Variants in CSNK1D observed in about 807,000 individuals in gnomAD.
CSNK1D encodes the protein casein kinase 1 delta.
CSNK1D carries 16 observed loss-of-function variants against 46.6 expected under a neutral mutation model. The observed-to-expected ratio is 0.34, with a 90% confidence interval of 0.23 to 0.52. CSNK1D has a LOEUF of 0.52. Among genes scored for constraint, CSNK1D ranks in the 20% least tolerant of loss-of-function variants. The pLI is 0.95. For synonymous variants in CSNK1D, 276 were observed against 228.2 expected, an observed-to-expected ratio of 1.21 and a Z score of -1.89; for missense variants, 398 against 578.4, an observed-to-expected ratio of 0.69 and a Z score of 3.20.
chr17:82,243,572 A>G lies in CSNK1D; in HGVS notation c.*1209T>C. Reference sequence around the variant, plus strand: ...AGACACGCGCCCAACAGAAGGTCACAGCGCAGACTCTACTTTCTGGCCGTG... The same window carrying G: ...AGACACGCGCCCAACAGAAGGTCACGGCGCAGACTCTACTTTCTGGCCGTG... On this transcript the variant is annotated 3_prime_UTR_variant, in exon 9 of 9. Coordinates refer to ENST00000314028, the MANE Select transcript of CSNK1D (RefSeq NM_001893.6). The G allele has an allele frequency of 1.0e-6, 1 of 985,446 alleles. No homozygotes were observed. The highest frequency in any genetic ancestry group is 1.2e-6 in the Non-Finnish European group (1 of 829,948). The allele number at this position is 985,446 out of a possible 1,614,324, so 61.0% of individuals were successfully genotyped here.
downstream of CSNK1D, among the ~76,000 whole-genome samples, chr17:82,240,344 A>G (rs1476890896): frequency 6.6e-6 from 1 of 152,156 alleles, no homozygotes; most frequent in Non-Finnish European, 1.5e-5. Flanking sequence ...GCAGACGAGG[A>G]GGTGGGGAGC....
rs2050969039 is a variant in CSNK1D, at chr17:82,250,304, C to T, written c.886-702G>A. 8.2e-6 allele frequency: 7 copies of T among 857,774 alleles called. No individual in the cohort carries two copies. The Admixed American group carries it at 1.4e-4, about 17-fold the overall frequency. The allele number at this position is 857,774 out of a possible 1,614,324, so 53.1% of individuals were successfully genotyped here. A position where few individuals can be genotyped will look rare whatever the true frequency, so the allele number is the denominator to read the frequency against. ...AGCTCATTGGACACAGCCACGTTCA[C>T]CAGGCAACACACAGACCGACACACC... is the stretch of plus-strand genomic sequence containing the variant. On this transcript the variant is annotated intron_variant, in intron 6 of 8. Coordinates refer to ENST00000314028, the MANE Select transcript of CSNK1D (RefSeq NM_001893.6). The surrounding 1 kb of genome is among the most constrained non-coding windows in gnomAD (Gnocchi z 4.6).
At chr17:82,258,335 T>C (rs1320254652) in intron 2 of CSNK1D, among the ~76,000 whole-genome samples, 1 of 150,692 alleles carries the variant, frequency 6.6e-6, no homozygotes, top group Admixed American at 6.6e-5. Flanking sequence ...TGAACATATG[T>C]GTATATATAT....
chr17:82,265,353 A>T (rs2051442324), intron 2 of CSNK1D: 2 of 355,564 alleles, frequency 5.6e-6, no homozygotes, highest in Admixed American at 7.7e-5. Flanking sequence ...TAATTTTTGT[A>T]TTTTTAGTAG....
intron 3 of CSNK1D, chr17:82,254,994 GA>G (rs2051135602): frequency 2.9e-6 from 1 of 349,100 alleles, no homozygotes. Context: ...CCAGTCAGCT[GA>G]GCCGCCGGAG....
At chr17:82,270,567 T>G (rs755676771) in intron 1 of CSNK1D, among the ~76,000 whole-genome samples, 13 of 152,146 alleles carry the variant, frequency 8.5e-5, no homozygotes, top group Non-Finnish European at 1.6e-4. Context: ...AACAAAACTA[T>G]GGTGGGGATG....
In CSNK1D at chr17:82,243,771, G is replaced by A; in HGVS notation, c.*1010C>T. ...GTGCCAATCCGCACAGGAGCATTGA[G>A]TGCTGAGAAAATGGACTGAGTGCAA... On this transcript the variant is annotated 3_prime_UTR_variant, in exon 9 of 9. Transcript: ENST00000314028. 1.0e-6 allele frequency: 1 copy of A among 985,460 alleles called. No homozygotes were observed. The highest frequency in any genetic ancestry group is 1.2e-6 in the Non-Finnish European group (1 of 829,968). 61.0% of individuals were successfully genotyped at this position (985,460 alleles called of 1,614,324 possible).
Position 82,252,717 on chromosome 17 carries a change from ACTC to A in CSNK1D, c.566-116_566-114del. The A allele has an allele frequency of 8.9e-7, 1 of 1,126,720 alleles. No homozygotes were observed. The highest frequency in any genetic ancestry group is 1.3e-6 in the Non-Finnish European group (1 of 772,508). 69.8% of individuals were successfully genotyped at this position (1,126,720 alleles called of 1,614,324 possible). A position where few individuals can be genotyped will look rare whatever the true frequency, so the allele number is the denominator to read the frequency against. On this transcript the variant is annotated intron_variant, in intron 4 of 8. Transcript: ENST00000314028. This position sits in a 1 kb window ranked among gnomAD's most constrained non-coding sequence, Gnocchi z 4.6. ...AGCCTCAGACACACATGCCCAGATC[ACTC>A]CAGCTGGCACTTCCAGTGGAGACGA... is the stretch of plus-strand genomic sequence containing the variant.
rs1300340019 is a variant in CSNK1D, at chr17:82,260,374, GTGACTGATGGTGTAC to G, written c.188-4812_188-4798del. ...TGTGACTGATGGTGTACGGACTGATGTGACTGATGGTGTACTGACTGATGGTGTACTGAGTGATGT... is the reference window on the plus strand; with the variant it reads ...TGTGACTGATGGTGTACGGACTGATGTGACTGATGGTGTACTGAGTGATGT... On this transcript the variant is annotated intron_variant, in intron 2 of 8. Transcript: ENST00000314028. 3.6e-3 allele frequency among the ~76,000 whole-genome samples: 536 copies of G among 149,594 alleles called. 8 individuals are homozygous for G. The highest frequency in any genetic ancestry group is 7.0e-3 in the Middle Eastern group (2 of 284).
At chr17:82,267,844 C>T (rs2051517966) in intron 1 of CSNK1D, among the ~76,000 whole-genome samples, 1 of 152,206 alleles carries the variant, frequency 6.6e-6, no homozygotes, top group Non-Finnish European at 1.5e-5. Context: ...GCCCAGTGAC[C>T]CCATGGCCTG....
chr17:82,251,643 G>T lies in CSNK1D; in HGVS notation c.737-116C>A. 9.8e-7 allele frequency: 1 copy of T among 1,017,262 alleles called. No individual in the cohort carries two copies. The highest frequency in any genetic ancestry group is 1.5e-6 in the Non-Finnish European group (1 of 658,730). The allele number at this position is 1,017,262 out of a possible 1,614,324, so 63.0% of individuals were successfully genotyped here. On this transcript the variant is annotated intron_variant, in intron 5 of 8. Coordinates refer to ENST00000314028, the MANE Select transcript of CSNK1D (RefSeq NM_001893.6). The surrounding 1 kb of genome is among the most constrained non-coding windows in gnomAD (Gnocchi z 4.5). ...CACACTCAAGGGGAGAAGGACAGATGCAAAACACCTGTCAGATTTCTAAGA... is the reference window on the plus strand; with the variant it reads ...CACACTCAAGGGGAGAAGGACAGATTCAAAACACCTGTCAGATTTCTAAGA...
Position 82,249,189 on chromosome 17 carries a change from G to A in CSNK1D, c.1058-175C>T. 2 of 860,540 alleles carry A rather than the reference G, an allele frequency of 2.3e-6. No homozygotes were observed. Among genetic ancestry groups the A allele is most frequent in the East Asian group, 2.7e-5 (1 of 37,650 alleles). 53.3% of individuals were successfully genotyped at this position (860,540 alleles called of 1,614,324 possible). On this transcript the variant is annotated intron_variant, in intron 7 of 8. Coordinates refer to ENST00000314028, the MANE Select transcript of CSNK1D (RefSeq NM_001893.6). This position sits in a 1 kb window ranked among gnomAD's most constrained non-coding sequence, Gnocchi z 6.7. ...GGCCGGAGGGACACAAAGGGACATG[G>A]GAGCGAGGTCAAGGGGCTCACAGGG...
At chr17:82,263,785 C>T (rs1242926232) in intron 2 of CSNK1D, among the ~76,000 whole-genome samples, 1 of 152,268 alleles carries the variant, frequency 6.6e-6, no homozygotes, top group Non-Finnish European at 1.5e-5. Flanking sequence ...GCCAAGGCCA[C>T]ACCCCGCACC....
chr17:82,253,265 C>T (rs374461605), intron 3 of CSNK1D, 21 bp from the exon 4 acceptor site: 104 of 1,598,486 alleles, frequency 6.5e-5, no homozygotes, highest in African/African-American at 9.4e-5. Context: ...AGCAAGGGCG[C>T]GAGATGGCAC....
chr17:82,262,908 G>A (rs755990686), intron 2 of CSNK1D, among the ~76,000 whole-genome samples: 52 of 152,210 alleles, frequency 3.4e-4, no homozygotes, highest in Non-Finnish European at 6.9e-4. Flanking sequence ...TGACGGGCGC[G>A]ATGGCTCACG....
chr17:82,252,931 C>T lies in CSNK1D; in HGVS notation c.565+85G>A, dbSNP rs980797953. On this transcript the variant is annotated intron_variant, in intron 4 of 8. Transcript: ENST00000314028. This position sits in a 1 kb window ranked among gnomAD's most constrained non-coding sequence, Gnocchi z 4.6. ...GATGACACGCTTGCAGCCCCAGCTC[C>T]CCGAGAGGCTGGCCTCTCCCTGGGC... The T allele has an allele frequency of 8.0e-7, 1 of 1,257,104 alleles. No individual in the cohort carries two copies. The highest frequency in any genetic ancestry group is 1.1e-6 in the Non-Finnish European group (1 of 870,450). 77.9% of individuals were successfully genotyped at this position (1,257,104 alleles called of 1,614,324 possible).
chr17:82,247,308 C>A (rs2050875442), intron 8 of CSNK1D: 3 of 985,448 alleles, frequency 3.0e-6, no homozygotes, highest in Non-Finnish European at 3.6e-6. Flanking sequence ...GTGGCTACAA[C>A]AGCCACACCC....
chr17:82,251,740 C>T lies in CSNK1D; in HGVS notation c.737-213G>A. Reference sequence around the variant, plus strand: ...GTGCGGCGGCTCACGCCTGTCACCCCAGCACTCTAGGAGGCTGAGGAGGGC... The same window carrying T: ...GTGCGGCGGCTCACGCCTGTCACCCTAGCACTCTAGGAGGCTGAGGAGGGC... On this transcript the variant is annotated intron_variant, in intron 5 of 8. Coordinates refer to ENST00000314028, the MANE Select transcript of CSNK1D (RefSeq NM_001893.6). The surrounding 1 kb of genome is among the most constrained non-coding windows in gnomAD (Gnocchi z 4.5). 1.6e-6 allele frequency: 1 copy of T among 608,654 alleles called. No individual in the cohort carries two copies. The highest frequency in any genetic ancestry group is 3.0e-6 in the Non-Finnish European group (1 of 333,214). The allele number at this position is 608,654 out of a possible 1,614,324, so 37.7% of individuals were successfully genotyped here.
intron 1 of CSNK1D, among the ~76,000 whole-genome samples, chr17:82,266,030 T>A (rs1282959784): frequency 6.6e-6 from 1 of 152,172 alleles, no homozygotes; most frequent in Non-Finnish European, 1.5e-5. Flanking sequence ...TTTATGTGGC[T>A]TCCATCACCC....
Sources: gnomAD v4.1 joint callset for allele counts (sites outside exome capture counted in the v4.1 genomes callset) on GRCh38, gnomAD v4.1.1 for gene constraint, Gnocchi (gnomAD v3.1) non-coding constraint, MANE v1.5 for transcripts, NCBI Gene and HGNC (gene_info 2026-07-23, HGNC 2026-07-21) for gene names.